Variants in SLCO2A1 observed in about 807,000 individuals in gnomAD.
SLCO2A1 encodes the protein solute carrier organic anion transporter family member 2A1.
A neutral mutation model predicts 71.7 loss-of-function variants in SLCO2A1; 60 were observed. That is an observed-to-expected ratio of 0.84 (90% CI 0.68 to 1.04). SLCO2A1 has a LOEUF of 1.04. SLCO2A1 is among the 50% of genes least tolerant of loss of function. SLCO2A1 has a pLI of 0.00. For synonymous variants in SLCO2A1, 308 were observed against 326.7 expected, an observed-to-expected ratio of 0.94 and a Z score of 0.62; for missense variants, 745 against 813.4, an observed-to-expected ratio of 0.92 and a Z score of 1.02.
intron 1 of SLCO2A1, among the ~76,000 whole-genome samples, chr3:134,012,065 C>T (rs965469032): frequency 6.6e-6 from 1 of 152,188 alleles, no homozygotes; most frequent in South Asian, 2.1e-4. Context: ...GACCAGGCTC[C>T]TGTCAGTGAC....
chr3:133,935,993 C>T (rs1933260908), intron 12 of SLCO2A1, 96 bp from the exon 13 acceptor site: 3 of 1,292,458 alleles, frequency 2.3e-6, no homozygotes, highest in Middle Eastern at 2.4e-4. Context: ...AGTTCACATA[C>T]ATGAGAACGG....
chr3:133,956,374 C>G (rs1042142077), intron 3 of SLCO2A1, among the ~76,000 whole-genome samples: 1 of 152,296 alleles, frequency 6.6e-6, no homozygotes, highest in African/African-American at 2.4e-5. Flanking sequence ...CAGTCGCACA[C>G]GCCTCGTCCA....
At chr3:134,012,348 G>A (rs1935362125) in intron 1 of SLCO2A1, among the ~76,000 whole-genome samples, 1 of 152,150 alleles carries the variant, frequency 6.6e-6, no homozygotes, top group African/African-American at 2.4e-5. Flanking sequence ...ACACATGGAA[G>A]GGCAGGTAAA....
rs182218857 is a variant in SLCO2A1 at position 133,980,825 on chromosome 3, T to C, written c.97-1207A>G. Among the ~76,000 whole-genome samples, 268 of 152,306 alleles carry C rather than the reference T, an allele frequency of 1.8e-3. 3 individuals carry two copies. The highest frequency in any genetic ancestry group is 3.3e-3 in the Non-Finnish European group (227 of 68,026). ...AACTCACTGCCTATCCATGTGTCCA[T>C]GCTCACAGCCTCCAGGTCTGGAGAG... On this transcript the variant is annotated intron_variant, in intron 1 of 13. Transcript: ENST00000310926.
At chr3:133,992,683 T>G (rs112571508) in intron 1 of SLCO2A1, among the ~76,000 whole-genome samples, 2 of 152,120 alleles carry the variant, frequency 1.3e-5, no homozygotes, top group African/African-American at 4.8e-5. Flanking sequence ...GAGACTACAG[T>G]TGGATGTTGG....
chr3:133,943,821 C>T lies in SLCO2A1; in HGVS notation c.1462-1053G>A, dbSNP rs142109922. On this transcript the variant is annotated intron_variant, in intron 10 of 13. Transcript: ENST00000310926. Reference sequence around the variant, plus strand: ...CCTCTGCCTGGGAGCCACGCTCCTTCGCCCGCAGAGGTGGCAGTGGCAGCA... The same window carrying T: ...CCTCTGCCTGGGAGCCACGCTCCTTTGCCCGCAGAGGTGGCAGTGGCAGCA... Among the ~76,000 whole-genome samples, 475 of 152,354 alleles carry T rather than the reference C, an allele frequency of 3.1e-3. 6 individuals are homozygous for T. The highest frequency in any genetic ancestry group is 9.1e-3 in the African/African-American group (380 of 41,586).
At chr3:134,011,455 G>A (rs1246293926) in intron 1 of SLCO2A1, among the ~76,000 whole-genome samples, 1 of 152,232 alleles carries the variant, frequency 6.6e-6, no homozygotes, top group Non-Finnish European at 1.5e-5. Flanking sequence ...GACGATCTCA[G>A]CTGTGCGGAA....
chr3:133,946,451 G>A (rs983831168), intron 9 of SLCO2A1, among the ~76,000 whole-genome samples: 10 of 152,024 alleles, frequency 6.6e-5, no homozygotes, highest in African/African-American at 2.2e-4. Context: ...GACCCATATT[G>A]CTGTCTGCAA....
chr3:133,974,266 T>G (rs1934400865), intron 2 of SLCO2A1, among the ~76,000 whole-genome samples: 1 of 152,116 alleles, frequency 6.6e-6, no homozygotes, highest in African/African-American at 2.4e-5. Context: ...AGGTACAAAT[T>G]AAAGGACCCA....
intron 1 of SLCO2A1, among the ~76,000 whole-genome samples, chr3:134,002,809 A>T (rs889188075): frequency 6.6e-6 from 1 of 152,210 alleles, no homozygotes; most frequent in Non-Finnish European, 1.5e-5. Flanking sequence ...CTGAGCTCTA[A>T]CCTAAATCTT....
chr3:134,011,854 G>A (rs1488672835), intron 1 of SLCO2A1, among the ~76,000 whole-genome samples: 1 of 152,228 alleles, frequency 6.6e-6, no homozygotes, highest in Non-Finnish European at 1.5e-5. Flanking sequence ...CAAAGTTGCT[G>A]AGCAGTGAGA....
intron 1 of SLCO2A1, among the ~76,000 whole-genome samples, chr3:133,996,464 CA>C (rs1934967081): frequency 6.6e-6 from 1 of 152,224 alleles, no homozygotes; most frequent in Non-Finnish European, 1.5e-5. Context: ...TCTGCTCTGA[CA>C]GTGGAGTTGC....
intron 3 of SLCO2A1, among the ~76,000 whole-genome samples, chr3:133,961,208 C>A (rs1175328584): frequency 6.6e-6 from 1 of 152,022 alleles, no homozygotes; most frequent in Admixed American, 6.6e-5. Flanking sequence ...CATCAAGAAG[C>A]AGTCAATGCA....
intron 5 of SLCO2A1, among the ~76,000 whole-genome samples, chr3:133,951,861 A>T (rs915350642): frequency 1.3e-5 from 2 of 152,140 alleles, no homozygotes; most frequent in Non-Finnish European, 2.9e-5. Context: ...CTGCCCTCTT[A>T]ACCATTAAAC....
At chr3:134,011,392 G>C (rs1404116484) in intron 1 of SLCO2A1, among the ~76,000 whole-genome samples, 3 of 152,254 alleles carry the variant, frequency 2.0e-5, no homozygotes, top group Non-Finnish European at 4.4e-5. Context: ...CCATGATGTG[G>C]GAGTCCTGGG....
At chr3:133,976,924 C>T (rs1000554421) in intron 2 of SLCO2A1, among the ~76,000 whole-genome samples, 1 of 152,164 alleles carries the variant, frequency 6.6e-6, no homozygotes, top group African/African-American at 2.4e-5. Flanking sequence ...GCCTTTTACG[C>T]CCAGCCTGTC....
intron 3 of SLCO2A1, among the ~76,000 whole-genome samples, chr3:133,956,695 T>G (rs1314767968): frequency 1.3e-5 from 2 of 152,206 alleles, no homozygotes; most frequent in Non-Finnish European, 2.9e-5. Context: ...TGATATAATA[T>G]GCAACCTTTT....
chr3:133,988,548 C>T (rs572631903), intron 1 of SLCO2A1, among the ~76,000 whole-genome samples: 2 of 152,342 alleles, frequency 1.3e-5, no homozygotes, highest in East Asian at 3.9e-4. Context: ...TCAGGACTTA[C>T]TGAGGGCTGT....
intron 1 of SLCO2A1, among the ~76,000 whole-genome samples, chr3:133,992,732 G>A (rs1208791398): frequency 6.6e-6 from 1 of 152,212 alleles, no homozygotes; most frequent in East Asian, 1.9e-4. Flanking sequence ...GTTTGACAGT[G>A]TAGCTTCAGA....
Sources: allele counts gnomAD v4.1 joint callset (sites outside exome capture counted in the v4.1 genomes callset), GRCh38; gene constraint gnomAD v4.1.1; transcripts MANE v1.5; gene names NCBI Gene and HGNC (gene_info 2026-07-23, HGNC 2026-07-21).